EPHB1: variants seen among roughly 807,000 people sequenced by gnomAD.
EPHB1 encodes the protein EPH receptor B1.
EPHB1 carries 30 observed loss-of-function variants against 94.4 expected under a neutral mutation model. That is an observed-to-expected ratio of 0.32 (90% confidence interval 0.24 to 0.43). The LOEUF (loss-of-function observed/expected upper bound fraction) is 0.43. Ranked by LOEUF, EPHB1 falls within the 20% of genes least tolerant of loss-of-function variation. The pLI is 1.00. For missense variants in EPHB1, 1,055 were observed against 1,308.3 expected, an observed-to-expected ratio of 0.81 and a Z score of 2.99; for synonymous variants, 522 against 489.1, an observed-to-expected ratio of 1.07 and a Z score of -0.89.
chr3:135,083,086 TC>T (rs1359753079), intron 3 of EPHB1, among the ~76,000 whole-genome samples: 1 of 152,162 alleles, frequency 6.6e-6, no homozygotes, highest in Non-Finnish European at 1.5e-5. Flanking sequence ...GAGCCAGTCT[TC>T]CATTTGCCTG....
At chr3:134,989,074 G>T (rs1226607465) in intron 3 of EPHB1, among the ~76,000 whole-genome samples, 1 of 152,154 alleles carries the variant, frequency 6.6e-6, no homozygotes, top group Non-Finnish European at 1.5e-5. Context: ...CCCCTACAGA[G>T]CTCTTTTGAG....
At chr3:135,078,078 A>G (rs1333913250) in intron 3 of EPHB1, among the ~76,000 whole-genome samples, 1 of 152,194 alleles carries the variant, frequency 6.6e-6, no homozygotes, top group Non-Finnish European at 1.5e-5. Context: ...CAGTTATTCA[A>G]AGTTTGAGAT....
intron 1 of EPHB1, among the ~76,000 whole-genome samples, chr3:134,877,573 A>C (rs904748238): frequency 6.6e-6 from 1 of 152,226 alleles, no homozygotes; most frequent in African/African-American, 2.4e-5. Context: ...ACCATCGGTC[A>C]GGAGATAAGC....
At chr3:134,828,070 GC>G (rs2036517471) in intron 1 of EPHB1, among the ~76,000 whole-genome samples, 1 of 152,142 alleles carries the variant, frequency 6.6e-6, no homozygotes, top group Admixed American at 6.5e-5. Context: ...CTTCTGAACT[GC>G]CTGGTCCATG....
At chr3:135,081,276 G>C (rs922282062) in intron 3 of EPHB1, among the ~76,000 whole-genome samples, 2 of 152,154 alleles carry the variant, frequency 1.3e-5, no homozygotes, top group Non-Finnish European at 2.9e-5. Context: ...ATTATTTTAA[G>C]CTACTTTAGA....
intron 3 of EPHB1, among the ~76,000 whole-genome samples, chr3:135,015,467 C>T (rs560869171): frequency 5.3e-5 from 8 of 152,158 alleles, no homozygotes; most frequent in Non-Finnish European, 1.2e-4. Context: ...GTCTCGAACT[C>T]CTGACCTCAG....
chr3:135,041,745 A>T (rs933428927), intron 3 of EPHB1, among the ~76,000 whole-genome samples: 2 of 152,208 alleles, frequency 1.3e-5, no homozygotes, highest in African/African-American at 4.8e-5. Flanking sequence ...TGTGTAATTT[A>T]TAATAAACAA....
At chr3:135,015,135 C>CTCTT (rs1935752111) in intron 3 of EPHB1, among the ~76,000 whole-genome samples, 1 of 152,192 alleles carries the variant, frequency 6.6e-6, no homozygotes. Flanking sequence ...AGCAACTGCC[C>CTCTT]TCTTGCCTTT....
intron 4 of EPHB1, among the ~76,000 whole-genome samples, chr3:135,128,655 TA>T (rs1172521783): frequency 6.6e-6 from 1 of 152,220 alleles, no homozygotes; most frequent in Non-Finnish European, 1.5e-5. Flanking sequence ...TTATTTAAAA[TA>T]ATTTCATTTA....
chr3:134,851,233 A>G (rs1226010118), intron 1 of EPHB1, among the ~76,000 whole-genome samples: 1 of 152,220 alleles, frequency 6.6e-6, no homozygotes. Flanking sequence ...ACTTTATGCT[A>G]TGCAAGCTTC....
intron 1 of EPHB1, among the ~76,000 whole-genome samples, chr3:134,860,150 G>GACACACACACACACAC (rs10642036): frequency 4.2e-5 from 6 of 142,922 alleles, no homozygotes; most frequent in Non-Finnish European, 1.5e-5. Flanking sequence ...AGAAGGAAGG[G>GACACACACACACACAC]ACACACACAC....
intron 3 of EPHB1, among the ~76,000 whole-genome samples, chr3:134,972,941 T>C (rs1934034114): frequency 6.6e-6 from 1 of 152,208 alleles, no homozygotes. Flanking sequence ...CAGAGTTATG[T>C]CCCTTGTGTT....
chr3:135,087,909 C>T (rs1309771195), intron 3 of EPHB1, among the ~76,000 whole-genome samples: 1 of 152,124 alleles, frequency 6.6e-6, no homozygotes, highest in African/African-American at 2.4e-5. Context: ...GATGAATTTG[C>T]CTTTCAGAGC....
At chr3:135,038,002 G>A (rs1223748714) in intron 3 of EPHB1, among the ~76,000 whole-genome samples, 1 of 152,168 alleles carries the variant, frequency 6.6e-6, no homozygotes, top group East Asian at 1.9e-4. Context: ...CAACCTAAGA[G>A]CCGCAGGAAC....
intron 1 of EPHB1, among the ~76,000 whole-genome samples, chr3:134,833,008 A>T (rs1356363263): frequency 1.3e-5 from 2 of 152,068 alleles, no homozygotes; most frequent in African/African-American, 4.8e-5. Context: ...TTATAAATGA[A>T]TTTTTTTCTG....
intron 12 of EPHB1, among the ~76,000 whole-genome samples, chr3:135,210,302 AT>A (rs996341754): frequency 6.6e-6 from 1 of 152,156 alleles, no homozygotes; most frequent in Non-Finnish European, 1.5e-5. Flanking sequence ...TTGTTTAAAC[AT>A]TTTGACTTTT....
At chr3:134,886,714 A>G (rs1407302878) in intron 1 of EPHB1, among the ~76,000 whole-genome samples, 1 of 152,150 alleles carries the variant, frequency 6.6e-6, no homozygotes, top group Non-Finnish European at 1.5e-5. Context: ...AACCTTTTGC[A>G]TGTTTTATCC....
At chr3:134,822,534 G>A (rs1222231150) in intron 1 of EPHB1, among the ~76,000 whole-genome samples, 1 of 152,148 alleles carries the variant, frequency 6.6e-6, no homozygotes, top group Non-Finnish European at 1.5e-5. Context: ...CATTTTTGAG[G>A]AATGCCCACA....
At chr3:135,140,500 A>G (rs1050660971) in intron 5 of EPHB1, among the ~76,000 whole-genome samples, 26 of 152,366 alleles carry the variant, frequency 1.7e-4, no homozygotes, top group Admixed American at 1.6e-3. Flanking sequence ...TTCTTAAAGT[A>G]ATCTCAGGCA....
Sources: gnomAD v4.1 joint callset for allele counts (sites outside exome capture counted in the v4.1 genomes callset) on GRCh38, gnomAD v4.1.1 for gene constraint, MANE v1.5 for transcripts, NCBI Gene and HGNC (gene_info 2026-07-23, HGNC 2026-07-21) for gene names.